The following UBA52 variants were observed in gnomAD, a reference collection of about 807,000 sequenced individuals.
The protein encoded by UBA52 is ubiquitin A-52 residue ribosomal protein fusion product 1.
Under a neutral mutation model 15.3 loss-of-function variants are expected in UBA52, and 1 was observed. The ratio of observed to expected loss-of-function variants is 0.07; its 90% CI spans 0.02 to 0.31. The LOEUF is 0.31. Among genes scored for constraint, UBA52 ranks in the 10% least tolerant of loss-of-function variants. UBA52 has a pLI of 1.00. For missense variants in UBA52, 87 were observed against 168.0 expected (o/e 0.52, Z 2.66); for synonymous variants, 50 against 58.3 (o/e 0.86, Z 0.65).
upstream of UBA52, chr19:18,567,135 G>C (rs757166156): frequency 1.2e-6 from 2 of 1,613,954 alleles, no homozygotes; most frequent in African/African-American, 1.3e-5. Context: ...CCTGCAGGAC[G>C]CTGAAAGGGA....
upstream of UBA52, chr19:18,568,283 A>T: frequency 6.0e-6 from 4 of 665,888 alleles, no homozygotes; most frequent in Non-Finnish European, 1.0e-5. Context: ...AAAAAAAAAA[A>T]GGGTCAAGTC....
At chr19:18,567,391 G>C (rs926477201), upstream of UBA52, 2 of 653,400 alleles carry the variant, frequency 3.1e-6, no homozygotes, top group Admixed American at 4.6e-5. Context: ...CGTGCCCCGT[G>C]GGGAGGCCGC....
upstream of UBA52, chr19:18,567,188 A>C (rs200280348): frequency 6.2e-7 from 1 of 1,614,030 alleles, no homozygotes; most frequent in Non-Finnish European, 8.5e-7. Flanking sequence ...CGTAAGTGTC[A>C]CGCAGGGTTC....
upstream of UBA52, chr19:18,567,155 G>C (rs1975284079): frequency 1.2e-6 from 2 of 1,614,038 alleles, no homozygotes; most frequent in Non-Finnish European, 1.7e-6. Flanking sequence ...AAACTGGCCA[G>C]GCAGCACCCA....
chr19:18,573,091 G>A (rs1315857111), intron 1 of UBA52: 3 of 1,218,496 alleles, frequency 2.5e-6, no homozygotes, highest in Non-Finnish European at 1.1e-6. Flanking sequence ...TTAGTTCCAG[G>A]ACATGTTTAG....
intron 1 of UBA52, 162 bp from the exon 2 acceptor site, chr19:18,573,131 G>C (rs1975589252): frequency 5.3e-6 from 6 of 1,122,848 alleles, no homozygotes; most frequent in Non-Finnish European, 7.6e-6. Flanking sequence ...GAGAAGCCTA[G>C]CAGGGCCAGG....
In UBA52 at chr19:18,575,051, G is replaced by A. The variant is rs1404479203; in HGVS notation, c.294-6G>A. On this transcript the variant is annotated splice_region_variant and splice_polypyrimidine_tract_variant and intron_variant, in intron 4 of 4. Transcript: ENST00000442744. The stretch of plus-strand genomic sequence containing the variant: ...GCCCTCACCCACCCCTCCTGTCTCT[G>A]TGCAGGTGCTATGCTCGCCTTCACC... 2 of 1,614,050 alleles carry A rather than the reference G, an allele frequency of 1.2e-6. No individual in the cohort carries two copies. Among genetic ancestry groups the A allele is most frequent in the East Asian group, 2.2e-5 (1 of 44,866 alleles).
Position 18,573,752 on chromosome 19 carries a change from C to A in UBA52, c.190+4C>A. 1 of 1,613,902 alleles carries A rather than the reference C, an allele frequency of 6.2e-7. No individual in the cohort carries two copies. Among genetic ancestry groups the A allele is most frequent in the Non-Finnish European group, 8.5e-7 (1 of 1,179,876 alleles). On this transcript the variant is annotated splice_donor_region_variant and intron_variant, in intron 3 of 4. Coordinates refer to ENST00000442744, the MANE Select transcript of UBA52 (RefSeq NM_001033930.3). ...TCAGACTACAACATCCAGAAAGGTACCGGGGTTGGGGTTGCTGGGCAGGGA... is the reference window on the plus strand; with the variant it reads ...TCAGACTACAACATCCAGAAAGGTAACGGGGTTGGGGTTGCTGGGCAGGGA...
chr19:18,568,481 A>G, upstream of UBA52: 1 of 1,614,128 alleles, frequency 6.2e-7, no homozygotes, highest in Non-Finnish European at 8.5e-7. Flanking sequence ...TTGCCACCTC[A>G]GAACAGAGCA....
At chr19:18,573,049 G>A in intron 1 of UBA52, 1 of 1,323,046 alleles carries the variant, frequency 7.6e-7, no homozygotes, top group Admixed American at 3.2e-5. Context: ...AAGAGCACCC[G>A]TGCGGTCAGG....
chr19:18,567,086 T>C, upstream of UBA52: 2 of 1,591,804 alleles, frequency 1.3e-6, no homozygotes, highest in Non-Finnish European at 1.7e-6. Flanking sequence ...AGGCCCAGCC[T>C]ACCTGCTCAG....
chr19:18,568,733 C>T (rs563181802), upstream of UBA52: 85 of 840,834 alleles, frequency 1.0e-4, no homozygotes, highest in African/African-American at 1.2e-3. Context: ...TTTGCTGCCC[C>T]GTTCTGTCAC....
chr19:18,575,482 C>CAAAGTG lies in UBA52; in HGVS notation c.*332_*333insAAAGTG. ...GGATCAGTTTTGTCATTGCTGGGAT[C>CAAAGTG]CTGTCAGGCACTTTGAGGTGTCCCT... On this transcript the variant is annotated 3_prime_UTR_variant, in exon 5 of 5. Coordinates refer to ENST00000442744, the MANE Select transcript of UBA52 (RefSeq NM_001033930.3). The CAAAGTG allele has an allele frequency of 5.4e-6, 2 of 367,430 alleles. No homozygotes were observed. The highest frequency in any genetic ancestry group is 1.0e-5 in the Non-Finnish European group (2 of 193,624). The allele number at this position is 367,430 out of a possible 1,614,324, so 22.8% of individuals were successfully genotyped here.
chr19:18,564,549 G>A, the UBA52 span, among the ~76,000 whole-genome samples: 1 of 152,240 alleles, frequency 6.6e-6, no homozygotes, highest in Non-Finnish European at 1.5e-5. Context: ...TATGAACCTG[G>A]GAGACGGAGC....
chr19:18,574,415 A>G (rs1021438175), intron 3 of UBA52, among the ~76,000 whole-genome samples: 18 of 151,202 alleles, frequency 1.2e-4, no homozygotes, highest in Admixed American at 9.9e-4. Context: ...CAGCCTCCCG[A>G]GTAGCTGGGA....
rs1975627960 is a variant in UBA52, at chr19:18,573,726, C to T, written c.168C>T (p.Leu56=). 14 of 1,614,204 alleles carry T rather than the reference C, an allele frequency of 8.7e-6. No individual in the cohort carries two copies. The highest frequency in any genetic ancestry group is 1.0e-5 in the Non-Finnish European group (12 of 1,180,038). ...AGKQLEDGRT[L]SDYNIQKEST... ...AACAGCTGGAGGATGGCCGCACTCT[C>T]TCAGACTACAACATCCAGAAAGGTA... Residue 56 remains leucine (L), a synonymous_variant, in exon 3 of 5, where the codon CTC becomes CTT. Coordinates refer to ENST00000442744, the MANE Select transcript of UBA52 (RefSeq NM_001033930.3).
At position 18,576,030 on chromosome 19, in the gene UBA52, G is replaced by C. The variant is rs1455080478; in HGVS notation, c.*880G>C. The stretch of plus-strand genomic sequence containing the variant: ...CAGAATGCTGGTATTACAGGCGTGA[G>C]CCAGCACGCCTGGCCCAGTTACTCA... On this transcript the variant is annotated 3_prime_UTR_variant, in exon 5 of 5. Coordinates refer to ENST00000442744, the MANE Select transcript of UBA52 (RefSeq NM_001033930.3). The C allele has an allele frequency of 6.6e-6, 1 of 152,306 alleles. No homozygotes were observed. The highest frequency in any genetic ancestry group is 1.5e-5 in the Non-Finnish European group (1 of 68,120). The allele number at this position is 152,306 out of a possible 1,614,324, so 9.4% of individuals were successfully genotyped here.
intron 1 of UBA52, chr19:18,572,201 C>G (rs963634302): frequency 6.6e-6 from 1 of 152,256 alleles, no homozygotes; most frequent in East Asian, 1.9e-4. Flanking sequence ...GTAGCGTTAA[C>G]TCTGCCAGTC....
upstream of UBA52, among the ~76,000 whole-genome samples, chr19:18,570,048 A>G (rs1975426069): frequency 6.6e-6 from 1 of 152,158 alleles, no homozygotes; most frequent in South Asian, 2.1e-4. Flanking sequence ...AGAAAAGGAA[A>G]TTAGGTTCTT....
Sources: gnomAD v4.1 joint callset for allele counts (sites outside exome capture counted in the v4.1 genomes callset) on GRCh38, gnomAD v4.1.1 for gene constraint, MANE v1.5 for transcripts, NCBI Gene and HGNC (gene_info 2026-07-23, HGNC 2026-07-21) for gene names.